Variants in SOS2 observed in about 807,000 individuals in gnomAD.
SOS2 encodes son of sevenless homolog 2.
In SOS2, 65 loss-of-function variants were observed where a neutral mutation model predicts 148.2. The observed-to-expected ratio is 0.44, with a 90% CI of 0.36 to 0.54. SOS2 has a LOEUF of 0.54. Among genes scored for constraint, SOS2 ranks in the 20% least tolerant of loss-of-function variants. The pLI is 0.00. For missense variants in SOS2, 1,341 were observed against 1,590.2 expected (o/e 0.84, Z 2.67); for synonymous variants, 539 against 537.1 (o/e 1.00, Z -0.05).
intron 4 of SOS2, among the ~76,000 whole-genome samples, chr14:50,197,138 C>G (rs1886335742): frequency 6.6e-6 from 1 of 152,152 alleles, no homozygotes; most frequent in Admixed American, 6.5e-5. Flanking sequence ...CAGGCATGAG[C>G]CACGGTGCCT....
rs762080538 is a variant in SOS2 at position 50,231,314 on chromosome 14, G to T, written c.-31C>A. ...CGGCGACAGCGCCTCCGCATCGGGG[G>T]CAGCCCGCGGGCCGGGCCGGTGGCC... On this transcript the variant is annotated 5_prime_UTR_variant, in exon 1 of 23. Coordinates refer to ENST00000216373, the MANE Select transcript of SOS2 (RefSeq NM_006939.4). 5 of 1,303,692 alleles carry T rather than the reference G, an allele frequency of 3.8e-6. No individual in the cohort carries two copies. Among genetic ancestry groups the T allele is most frequent in the Non-Finnish European group, 4.0e-6 (4 of 989,606 alleles). 80.8% of individuals were successfully genotyped at this position (1,303,692 alleles called of 1,614,324 possible).
intron 21 of SOS2, among the ~76,000 whole-genome samples, chr14:50,120,736 C>CTTTTTTTTTTTT (rs34012845): frequency 9.3e-6 from 1 of 107,500 alleles, no homozygotes; most frequent in South Asian, 3.4e-4. Context: ...AATCAGAGAC[C>CTTTTTTTTTTTT]TTTTTTTTTT....
intron 1 of SOS2, among the ~76,000 whole-genome samples, chr14:50,224,997 C>T (rs1887324708): frequency 6.6e-6 from 1 of 151,772 alleles, no homozygotes; most frequent in African/African-American, 2.4e-5. Context: ...AATACTAGTC[C>T]TTATATCTAG....
At chr14:50,165,598 A>G (rs1285016339) in intron 8 of SOS2, among the ~76,000 whole-genome samples, 1 of 152,110 alleles carries the variant, frequency 6.6e-6, no homozygotes, top group East Asian at 1.9e-4. Context: ...TATTGTAATT[A>G]TTTGTTTGAC....
chr14:50,195,500 A>G (rs970146739), intron 4 of SOS2, among the ~76,000 whole-genome samples: 6 of 152,198 alleles, frequency 3.9e-5, no homozygotes, highest in African/African-American at 1.4e-4. Flanking sequence ...AGTGGCCAAC[A>G]CCTGTAATCC....
chr14:50,201,018 T>C lies in SOS2; in HGVS notation c.280A>G (p.Ile94Val). Residue 94 changes from isoleucine (I) to valine (V), a missense_variant, in exon 3 of 23, where the codon ATA (isoleucine) becomes GTA (valine). Physicochemically the swap from Ile to Val is conservative, Grantham distance 29. Transcript: ENST00000216373. ...KWAIADAQSA[I>V]EKRKRRNPLL... ...GGATTTCTTCGTTTTCGTTTTTCTA[T>C]AGCAGATTGTGCATCAGCAATGGCC... The C allele has an allele frequency of 1.2e-6, 2 of 1,614,014 alleles. No individual in the cohort carries two copies. Among genetic ancestry groups the C allele is most frequent in the South Asian group, 1.1e-5 (1 of 91,074 alleles).
chr14:50,135,089 A>AAAAGAAAGAAAGAAAGAAAG (rs536084984), intron 18 of SOS2, among the ~76,000 whole-genome samples: 1,338 of 131,212 alleles, frequency 0.01, 18 homozygotes, highest in Non-Finnish European at 0.016. Flanking sequence ...AAAAAAAAAA[A>AAAAGAAAGAAAGAAAGAAAG]AAAGAAAGAA....
chr14:50,173,507 C>T (rs569802890), intron 8 of SOS2, among the ~76,000 whole-genome samples: 4 of 151,950 alleles, frequency 2.6e-5, no homozygotes, highest in African/African-American at 4.8e-5. Context: ...CTGCAAGCTC[C>T]GTCTCCCGGG....
rs1211876038 is a variant in SOS2, at chr14:50,220,418, A to AAAAAAAAAAAAAAAAAAAAAAAC, written c.87+10778_87+10779insGTTTTTTTTTTTTTTTTTTTTTT. On this transcript the variant is annotated intron_variant, in intron 1 of 22. Transcript: ENST00000216373. ...GAGACTCCATCTCAAAAAAAAAAAA[A>AAAAAAAAAAAAAAAAAAAAAAAC]AAAAGAACAGACCCTGCATAAAGAA... Among the ~76,000 whole-genome samples the AAAAAAAAAAAAAAAAAAAAAAAC allele has an allele frequency of 1.4e-5, 2 of 146,180 alleles. 1 individual carries two copies. Among genetic ancestry groups the AAAAAAAAAAAAAAAAAAAAAAAC allele is most frequent in the Non-Finnish European group, 3.0e-5 (2 of 66,282 alleles).
intron 13 of SOS2, among the ~76,000 whole-genome samples, chr14:50,151,185 G>A (rs1319157037): frequency 6.6e-6 from 1 of 152,184 alleles, no homozygotes; most frequent in Non-Finnish European, 1.5e-5. Context: ...AGTTTGAAAA[G>A]GGATCTGAAC....
Position 50,133,242 on chromosome 14 carries a change from C to CTTTTTTTT in SOS2, c.3075+880_3075+881insAAAAAAAA, listed in dbSNP as rs753590435. Among the ~76,000 whole-genome samples the CTTTTTTTT allele has an allele frequency of 2.3e-3, 182 of 78,754 alleles. 13 individuals are homozygous for CTTTTTTTT. Among genetic ancestry groups the CTTTTTTTT allele is most frequent in the Non-Finnish European group, 2.8e-3 (118 of 42,170 alleles). The allele number at this position is 78,754 out of a possible 152,430, so 51.7% of individuals were successfully genotyped here. Reference sequence around the variant, plus strand: ...TTTCCATGAACTTTTTTTCTTTTTTCTTTTTTCTTTTTTTTTTTTTTTGAG... The same window carrying CTTTTTTTT: ...TTTCCATGAACTTTTTTTCTTTTTTCTTTTTTTTTTTTTTCTTTTTTTTTTTTTTTGAG... On this transcript the variant is annotated intron_variant, in intron 19 of 22. Transcript: ENST00000216373.
chr14:50,218,484 C>T (rs1887103566), intron 1 of SOS2, among the ~76,000 whole-genome samples: 1 of 151,856 alleles, frequency 6.6e-6, no homozygotes, highest in South Asian at 2.1e-4. Context: ...GATTGTGCCA[C>T]TGCACTCCAG....
chr14:50,137,189 T>C (rs1225802921), intron 18 of SOS2, among the ~76,000 whole-genome samples: 1 of 152,182 alleles, frequency 6.6e-6, no homozygotes, highest in African/African-American at 2.4e-5. Context: ...ATTTAGAAGG[T>C]TGTTTCATAT....
rs1408173955 is a variant in SOS2, at chr14:50,118,730, G to T, written c.3613C>A (p.Pro1205Thr). The change falls in exon 23 of 23, where the codon CCG (proline) becomes ACG (threonine). Residue 1205 changes from proline (P) to threonine (T), a missense_variant. Physicochemically the swap from Pro to Thr is conservative, Grantham distance 38. Coordinates refer to ENST00000216373, the MANE Select transcript of SOS2 (RefSeq NM_006939.4). ...GGAAGAGGATCTCTTGGTGGTGGCG[G>T]AGGTGGACTATGCAGAGGCCCATCA... ...AFDGPLHSPPPPPPRDPLPDT... is the reference protein window; with the variant it reads ...AFDGPLHSPPTPPPRDPLPDT... The T allele has an allele frequency of 1.2e-6, 2 of 1,613,658 alleles. No homozygotes were observed. Among genetic ancestry groups the T allele is most frequent in the African/African-American group, 2.7e-5 (2 of 74,838 alleles).
At chr14:50,141,519 T>C (rs1302244244) in intron 16 of SOS2, among the ~76,000 whole-genome samples, 2 of 152,006 alleles carry the variant, frequency 1.3e-5, no homozygotes, top group East Asian at 3.9e-4. Context: ...TGACCCTGTC[T>C]CTAAGGGTCA....
At chr14:50,220,433 T>C (rs1452417284) in intron 1 of SOS2, among the ~76,000 whole-genome samples, 1 of 56,996 alleles carries the variant, frequency 1.8e-5, no homozygotes, top group Non-Finnish European at 3.9e-5. Flanking sequence ...GAACAGACCC[T>C]GCATAAAGAA....
At chr14:50,188,468 C>T in intron 5 of SOS2, 29 bp downstream of exon 5, 1 of 1,475,996 alleles carries the variant, frequency 6.8e-7, no homozygotes, top group Non-Finnish European at 9.4e-7. Flanking sequence ...TTGGGGTACA[C>T]AGAATTTCAA....
chr14:50,219,147 CGATCCAACCACTCTTT>C (rs1445012926), intron 1 of SOS2, among the ~76,000 whole-genome samples: 2 of 152,138 alleles, frequency 1.3e-5, no homozygotes, highest in Non-Finnish European at 2.9e-5. Context: ...ACCTACTATC[CGATCCAACCACTCTTT>C]GGTAATTACC....
At chr14:50,219,400 C>A (rs1488689838) in intron 1 of SOS2, among the ~76,000 whole-genome samples, 1 of 151,948 alleles carries the variant, frequency 6.6e-6, no homozygotes, top group South Asian at 2.1e-4. Flanking sequence ...AATAATCATG[C>A]TGAAAGCCAG....
Sources: allele counts gnomAD v4.1 joint callset (sites outside exome capture counted in the v4.1 genomes callset), GRCh38; gene constraint gnomAD v4.1.1; transcripts MANE v1.5; gene names NCBI Gene and HGNC (gene_info 2026-07-23, HGNC 2026-07-21).